Variants in GSE1 observed in about 807,000 individuals in gnomAD.
GSE1 encodes Gse1 coiled-coil protein, also known as genetic suppressor element 1.
Under a neutral mutation model 112.6 loss-of-function variants are expected in GSE1, and 32 were observed. That is an observed-to-expected ratio of 0.28 (90% confidence interval 0.21 to 0.38). The LOEUF (loss-of-function observed/expected upper bound fraction) is 0.38. GSE1 is among the 10% of genes least tolerant of loss of function. GSE1 has a pLI of 1.00. For synonymous variants in GSE1, 1,115 were observed against 735.6 expected (o/e 1.52, Z -8.35); for missense variants, 2,348 against 1,699.2 (o/e 1.38, Z -6.71).
intron 1 of GSE1, among the ~76,000 whole-genome samples, chr16:85,278,025 G>A (rs1365741315): frequency 6.6e-6 from 1 of 152,260 alleles, no homozygotes; most frequent in Non-Finnish European, 1.5e-5. Flanking sequence ...CACAATATTG[G>A]CGGCATGTGT....
rs905316833 is a variant in GSE1, at chr16:85,537,404, C to T, written c.2465-96510C>T. Among the ~76,000 whole-genome samples the T allele has an allele frequency of 7.9e-5, 12 of 152,336 alleles. 1 individual carries two copies. Among genetic ancestry groups the T allele is most frequent in the Middle Eastern group, 3.4e-3 (1 of 294 alleles). On this transcript the variant is annotated intron_variant, in intron 2 of 2. Coordinates refer to the GSE1 transcript ENST00000637419. ...AGCTCGGTGACTCCTGGACCTGAGA[C>T]GAGCTTTAAAAATGCAAAGGTGAAG...
At chr16:85,620,244 C>G (rs572595125) in intron 1 of GSE1, among the ~76,000 whole-genome samples, 16 of 152,182 alleles carry the variant, frequency 1.1e-4, no homozygotes, top group Non-Finnish European at 1.6e-4. Flanking sequence ...GAGCTGTGAT[C>G]GCACCACTGC....
intron 1 of GSE1, among the ~76,000 whole-genome samples, chr16:85,291,472 T>A (rs1028167820): frequency 2.6e-5 from 4 of 151,988 alleles, no homozygotes; most frequent in Non-Finnish European, 5.9e-5. Context: ...CTCCCCAGCC[T>A]CCTCCCCCGG....
chr16:85,658,243 C>T lies in GSE1; in HGVS notation c.1640+639C>T, dbSNP rs557707146. Among the ~76,000 whole-genome samples the T allele has an allele frequency of 4.6e-5, 7 of 152,248 alleles. 1 individual carries two copies. In the South Asian group the frequency reaches 6.2e-4, roughly 14 times the overall value. ...GGGCTGTGCTGGTCCCAGGCCCCCACGTCATATACCCCCAGGGCTCACTCT... is the reference window on the plus strand; with the variant it reads ...GGGCTGTGCTGGTCCCAGGCCCCCATGTCATATACCCCCAGGGCTCACTCT... On this transcript the variant is annotated intron_variant, in intron 8 of 15. Transcript: ENST00000253458.
At chr16:85,451,366 C>T (rs1403408745) in intron 2 of GSE1, among the ~76,000 whole-genome samples, 1 of 152,200 alleles carries the variant, frequency 6.6e-6, no homozygotes, top group Non-Finnish European at 1.5e-5. Context: ...GACTCCTGTG[C>T]TGAGTGTGCC....
At chr16:85,274,211 C>T (rs202095458) in intron 1 of GSE1, among the ~76,000 whole-genome samples, 1 of 151,564 alleles carries the variant, frequency 6.6e-6, no homozygotes, top group East Asian at 2.0e-4. Flanking sequence ...TGATGAAACC[C>T]CATCTCTACT....
chr16:85,224,157 C>T (rs543849152), intron 1 of GSE1, among the ~76,000 whole-genome samples: 42 of 151,758 alleles, frequency 2.8e-4, no homozygotes, highest in Admixed American at 2.4e-3. Flanking sequence ...TGGGAGAGGC[C>T]CTGTCCCACG....
At chr16:85,649,222 C>G (rs1230100081) in intron 3 of GSE1, among the ~76,000 whole-genome samples, 1 of 152,152 alleles carries the variant, frequency 6.6e-6, no homozygotes, top group Admixed American at 6.5e-5. Context: ...TCTTTAAAGA[C>G]CGTGTCTCCA....
At chr16:85,655,286 C>T (rs748426190) in intron 5 of GSE1, among the ~76,000 whole-genome samples, 18 of 152,186 alleles carry the variant, frequency 1.2e-4, no homozygotes, top group Non-Finnish European at 2.4e-4. Flanking sequence ...GGGCTTTGCC[C>T]GTGGGAGAGG....
intron 2 of GSE1, among the ~76,000 whole-genome samples, chr16:85,418,931 C>T (rs542481444): frequency 1.8e-4 from 27 of 152,190 alleles, no homozygotes; most frequent in Middle Eastern, 3.4e-3. Flanking sequence ...TTGACTTGAG[C>T]GGCTGGAAGG....
chr16:85,327,383 G>A (rs2046247528), intron 1 of GSE1, among the ~76,000 whole-genome samples: 1 of 152,128 alleles, frequency 6.6e-6, no homozygotes, highest in Non-Finnish European at 1.5e-5. Context: ...TGGGCAGATC[G>A]TTTGAGGCCA....
chr16:85,321,835 G>A (rs902370665), intron 1 of GSE1, among the ~76,000 whole-genome samples: 10 of 151,992 alleles, frequency 6.6e-5, no homozygotes, highest in South Asian at 2.1e-4. Flanking sequence ...TGTAACTGAC[G>A]GAAGAATCTA....
intron 2 of GSE1, among the ~76,000 whole-genome samples, chr16:85,519,573 TCAC>T (rs2052092942): frequency 8.4e-6 from 1 of 119,090 alleles, no homozygotes; most frequent in Non-Finnish European, 1.7e-5. Context: ...ATCATCACCA[TCAC>T]CAGTCTCCAT....
intron 1 of GSE1, among the ~76,000 whole-genome samples, chr16:85,268,835 C>G (rs1462744177): frequency 1.3e-5 from 2 of 152,142 alleles, no homozygotes; most frequent in Non-Finnish European, 2.9e-5. Flanking sequence ...CTTTGGGACC[C>G]CCGTGCTCTC....
chr16:85,389,005 G>T (rs2047770700), intron 2 of GSE1, among the ~76,000 whole-genome samples: 1 of 152,194 alleles, frequency 6.6e-6, no homozygotes, highest in South Asian at 2.1e-4. Flanking sequence ...AATGTTCCAC[G>T]ATGTTGAGGG....
chr16:85,444,691 C>T (rs2049464335), intron 2 of GSE1, among the ~76,000 whole-genome samples: 2 of 152,120 alleles, frequency 1.3e-5, no homozygotes, highest in South Asian at 2.1e-4. Context: ...CGTGCACACA[C>T]GCTATAGCCG....
upstream of GSE1, chr16:85,613,284 C>A: frequency 1.3e-6 from 2 of 1,539,046 alleles, no homozygotes; most frequent in Non-Finnish European, 1.8e-6. Context: ...CCAGCGGGCC[C>A]GAGCTGCCGC....
intron 2 of GSE1, among the ~76,000 whole-genome samples, chr16:85,534,866 C>T (rs2044270967): frequency 1.3e-5 from 2 of 152,164 alleles, no homozygotes; most frequent in Admixed American, 6.5e-5. Context: ...TCCGTGGTAG[C>T]GATTTAGCGA....
chr16:85,611,917 C>T (rs993593175), upstream of GSE1, among the ~76,000 whole-genome samples: 4 of 151,722 alleles, frequency 2.6e-5, no homozygotes, highest in Non-Finnish European at 4.4e-5. Context: ...GCGTGCGCGC[C>T]TGCCAAGCCT....
Sources: allele counts gnomAD v4.1 joint callset (sites outside exome capture counted in the v4.1 genomes callset), GRCh38; gene constraint gnomAD v4.1.1; transcripts MANE v1.5; gene names NCBI Gene and HGNC (gene_info 2026-07-23, HGNC 2026-07-21).